SPPL2B: variants seen among roughly 807,000 people sequenced by gnomAD.
SPPL2B encodes the protein signal peptide peptidase-like 2B.
SPPL2B carries 39 observed loss-of-function variants against 59.7 expected under a neutral mutation model. The observed-to-expected ratio is 0.65, with a 90% CI of 0.51 to 0.85. The LOEUF (loss-of-function observed/expected upper bound fraction) is 0.85, where lower values mean the gene tolerates loss of function less well. Ranked by LOEUF, SPPL2B falls within the 40% of genes least tolerant of loss-of-function variation. SPPL2B has a pLI of 0.00. For missense variants in SPPL2B, 865 were observed against 849.0 expected, an observed-to-expected ratio of 1.02 and a Z score of -0.23; for synonymous variants, 419 against 370.8, an observed-to-expected ratio of 1.13 and a Z score of -1.49.
rs533803354 is a variant in SPPL2B at position 2,337,629 on chromosome 19, C to G, written c.369+4C>G. On this transcript the variant is annotated splice_donor_region_variant and intron_variant, in intron 3 of 14. Transcript: ENST00000613503. Reference sequence around the variant, plus strand: ...CATCGTCAGCAGGGAGAGGCTGGTACGGCCCTGTGCGTCCCCCGCTGGGCC... The same window carrying G: ...CATCGTCAGCAGGGAGAGGCTGGTAGGGCCCTGTGCGTCCCCCGCTGGGCC... 3.4e-5 allele frequency: 53 copies of G among 1,550,402 alleles called. No homozygotes were observed. The highest frequency in any genetic ancestry group is 4.7e-5 in the South Asian group (4 of 85,050).
chr19:2,344,706 G>A (rs748696220), intron 12 of SPPL2B, 54 bp downstream of exon 12: 27 of 1,227,936 alleles, frequency 2.2e-5, no homozygotes, highest in African/African-American at 1.9e-4. Context: ...GGCCCCGGGC[G>A]GCTGAGGTTT....
chr19:2,340,184 C>T lies in SPPL2B; in HGVS notation c.839+12C>T, dbSNP rs1968942266. 6.5e-7 allele frequency: 1 copy of T among 1,542,666 alleles called. No individual in the cohort carries two copies. The highest frequency in any genetic ancestry group is 8.7e-7 in the Non-Finnish European group (1 of 1,151,940). ...TTCGGCAAGTGCAGGTGAGTCTGCC[C>T]TGCTGGCCCCGACGTGCCTGACTCT... On this transcript the variant is annotated intron_variant, in intron 7 of 14. Transcript: ENST00000613503.
chr19:2,329,616 C>A (rs879839492), intron 1 of SPPL2B, among the ~76,000 whole-genome samples: 2 of 152,224 alleles, frequency 1.3e-5, no homozygotes, highest in South Asian at 4.1e-4. Context: ...TTCACTACCC[C>A]CTCAGAGTTC....
intron 6 of SPPL2B, 54 bp downstream of exon 6, chr19:2,340,020 C>A (rs978932228): frequency 3.5e-5 from 55 of 1,556,992 alleles, no homozygotes; most frequent in Non-Finnish European, 4.6e-5. Context: ...CCGCCCCGTG[C>A]GGAGGGAGGG....
chr19:2,338,909 G>C, intron 4 of SPPL2B, 68 bp downstream of exon 4: 1 of 1,506,140 alleles, frequency 6.6e-7, no homozygotes. Flanking sequence ...GCTGGCTGCC[G>C]GGGGGGTTTG....
intron 12 of SPPL2B, 94 bp from the exon 13 acceptor site, chr19:2,345,159 G>A (rs1383746772): frequency 1.5e-5 from 15 of 984,870 alleles, no homozygotes; most frequent in Non-Finnish European, 1.7e-5. Context: ...GGCCCACGGC[G>A]CCCACAGGTG....
chr19:2,341,095 CCTCCCTGG>C (rs76166147), intron 8 of SPPL2B, 81 bp downstream of exon 8: 403,192 of 1,014,416 alleles, frequency 0.4, 85,072 homozygotes, highest in Non-Finnish European at 0.43. Flanking sequence ...GACTCCCTGC[CCTCCCTGG>C]AGGCCGCCCC....
At chr19:2,334,080 G>C (rs1387890204) in intron 1 of SPPL2B, among the ~76,000 whole-genome samples, 1 of 152,218 alleles carries the variant, frequency 6.6e-6, no homozygotes, top group Non-Finnish European at 1.5e-5. Flanking sequence ...GGGCCCCCGT[G>C]TGCCTTGGAG....
rs1568436040 is a variant in SPPL2B, at chr19:2,339,135, GTCA to G, written c.532_534del (p.Ile178del). The G allele has an allele frequency of 1.3e-6, 2 of 1,593,680 alleles. No homozygotes were observed. The highest frequency in any genetic ancestry group is 1.7e-6 in the Non-Finnish European group (2 of 1,170,302). ...GGAGCCGGTGCTGGACTACAACATGGTCATCATCTTCATCATGGCTGTGGGCAC... is the reference window on the plus strand; with the variant it reads ...GGAGCCGGTGCTGGACTACAACATGGTCATCTTCATCATGGCTGTGGGCAC... On this transcript the variant is annotated inframe_deletion, in exon 5 of 15. Coordinates refer to ENST00000613503, the MANE Select transcript of SPPL2B (RefSeq NM_152988.3).
At chr19:2,344,677 G>A (rs940766458) in intron 12 of SPPL2B, 25 bp downstream of exon 12, 8 of 1,486,588 alleles carry the variant, frequency 5.4e-6, no homozygotes, top group Middle Eastern at 1.8e-4. Flanking sequence ...GGAGCACACG[G>A]GTCCACGCTG....
chr19:2,341,253 C>G, intron 8 of SPPL2B: 2 of 670,556 alleles, frequency 3.0e-6, no homozygotes, highest in Non-Finnish European at 5.5e-6. Context: ...AGGCCGGAGC[C>G]CCTGTGGCCA....
At chr19:2,334,970 G>T (rs1445777737) in intron 2 of SPPL2B, among the ~76,000 whole-genome samples, 1 of 152,034 alleles carries the variant, frequency 6.6e-6, no homozygotes, top group Non-Finnish European at 1.5e-5. Context: ...GGTAGATAAG[G>T]GTCTCTACTG....
rs1609752 is a variant in SPPL2B at position 2,339,959 on chromosome 19, T to C, written c.735T>C (p.Asp245=). The C allele has an allele frequency of 0.96, 1,496,049 of 1,554,292 alleles. 720,170 individuals carry two copies. The highest frequency in any genetic ancestry group is 0.99 in the African/African-American group (72,794 of 73,312). The change falls in exon 6 of 15, where the codon GAT becomes GAC. Residue 245 remains aspartate (D), a synonymous_variant. Coordinates refer to ENST00000613503, the MANE Select transcript of SPPL2B (RefSeq NM_152988.3). ...TGGTGCTGCTCTACTATTTCTACGA[T>C]CTCCTCGGTGCGCGGCCCCGGGCGG... is the stretch of plus-strand genomic sequence containing the variant. ...SMLVLLYYFY[D]LLVYVVIGIF... is the part of the protein sequence containing the mutation.
chr19:2,337,438 T>C lies in SPPL2B; in HGVS notation c.187-5T>C, dbSNP rs770173838. On this transcript the variant is annotated splice_polypyrimidine_tract_variant and splice_region_variant and intron_variant, in intron 2 of 14. Transcript: ENST00000613503. ...TGAGACAACACTGTGCCCTGGCCTT[T>C]CCAGTCTTTCCTGCAGCTGCGCAAC... is the stretch of plus-strand genomic sequence containing the variant. 6 of 1,594,332 alleles carry C rather than the reference T, an allele frequency of 3.8e-6. No individual in the cohort carries two copies. The highest frequency in any genetic ancestry group is 5.1e-6 in the Non-Finnish European group (6 of 1,167,854).
Position 2,345,291 on chromosome 19 carries a change from G to C in SPPL2B, c.1315G>C (p.Val439Leu). The C allele has an allele frequency of 6.2e-7, 1 of 1,613,072 alleles. No homozygotes were observed. The highest frequency in any genetic ancestry group is 1.3e-5 in the African/African-American group (1 of 74,960). ...VAYCHRFDIQ[V>L]QSSRVYFVAC... is the part of the protein sequence containing the mutation. ...CTACTGCCACAGGTTTGACATCCAG[G>C]TACAGTCCTCCAGGGTATACTTCGT... Residue 439 changes from valine to leucine, a missense_variant, in exon 13 of 15, where the codon GTA becomes CTA. Val to Leu is a conservative substitution (Grantham distance 32). Transcript: ENST00000613503.
At chr19:2,331,470 G>A (rs1599191828) in intron 1 of SPPL2B, among the ~76,000 whole-genome samples, 1 of 152,214 alleles carries the variant, frequency 6.6e-6, no homozygotes, top group Admixed American at 6.6e-5. Flanking sequence ...TTAGAGCTGT[G>A]GCCTTTGGAA....
Position 2,328,695 on chromosome 19 carries a change from C to A in SPPL2B, c.-15C>A, listed in dbSNP as rs751957531. ...GGGAAACATCTGCCGTTGGTTGCGG[C>A]GGGCACCGGCCGACATGGCGGCAGC... On this transcript the variant is annotated 5_prime_UTR_variant, in exon 1 of 15. Coordinates refer to ENST00000613503, the MANE Select transcript of SPPL2B (RefSeq NM_152988.3). 6.3e-6 allele frequency: 9 copies of A among 1,433,418 alleles called. No individual in the cohort carries two copies. In the African/African-American group the frequency reaches 1.4e-4, roughly 22 times the overall value. The allele number at this position is 1,433,418 out of a possible 1,614,324, so 88.8% of individuals were successfully genotyped here. A position where few individuals can be genotyped will look rare whatever the true frequency, so the allele number is the denominator to read the frequency against.
chr19:2,334,701 C>CCG lies in SPPL2B; in HGVS notation c.168_169dup (p.His57ArgfsTer49). On this transcript the variant is annotated frameshift_variant, in exon 2 of 15. Transcript: ENST00000613503. LOFTEE classifies it high-confidence loss of function. ...CTACAACCCGCAGTGGGCCCATCTTCCGCACGACCTCAGCAAGGCAGTGAG... is the reference window on the plus strand; with the variant it reads ...CTACAACCCGCAGTGGGCCCATCTTCCGCGCACGACCTCAGCAAGGCAGTGAG... The CCG allele has an allele frequency of 6.2e-7, 1 of 1,610,266 alleles. No homozygotes were observed. Among genetic ancestry groups the CCG allele is most frequent in the South Asian group, 1.1e-5 (1 of 90,580 alleles).
chr19:2,339,746 C>T, intron 5 of SPPL2B, 78 bp from the exon 6 acceptor site: 1 of 1,534,724 alleles, frequency 6.5e-7, no homozygotes, highest in East Asian at 2.4e-5. Flanking sequence ...GCCCCGTTCC[C>T]CCGGGTGGCT....
Sources: gnomAD v4.1 joint callset for allele counts (sites outside exome capture counted in the v4.1 genomes callset) on GRCh38, gnomAD v4.1.1 for gene constraint, MANE v1.5 for transcripts, NCBI Gene and HGNC (gene_info 2026-07-23, HGNC 2026-07-21) for gene names.